Variants in HMGB1 observed in about 807,000 individuals in gnomAD.
HMGB1 encodes the protein high mobility group protein B1.
For missense variants in HMGB1, 79 were observed against 253.5 expected (o/e 0.31, Z 4.67); for synonymous variants, 81 against 84.0 (o/e 0.96, Z 0.19).
intron 1 of HMGB1, among the ~76,000 whole-genome samples, chr13:30,564,260 C>G (rs966908580): frequency 2.9e-5 from 4 of 138,398 alleles, no homozygotes; most frequent in Non-Finnish European, 6.1e-5. Flanking sequence ...TGGCAAAAAC[C>G]CGGCTCTACT....
intron 1 of HMGB1, among the ~76,000 whole-genome samples, chr13:30,486,002 C>T (rs1209583621): frequency 6.6e-6 from 1 of 152,172 alleles, no homozygotes; most frequent in Non-Finnish European, 1.5e-5. Context: ...GATTTCTATT[C>T]ATGCTTTTTC....
intron 1 of HMGB1, among the ~76,000 whole-genome samples, chr13:30,504,922 G>A (rs540246640): frequency 6.6e-6 from 1 of 152,036 alleles, no homozygotes; most frequent in African/African-American, 2.4e-5. Flanking sequence ...CAAAAATGAA[G>A]TATTAGTGTC....
chr13:30,500,536 A>ATTTTTT (rs60691018), intron 1 of HMGB1, among the ~76,000 whole-genome samples: 1 of 128,460 alleles, frequency 7.8e-6, no homozygotes, highest in African/African-American at 3.3e-5. Context: ...CACCTGGCTA[A>ATTTTTT]TTTTTTTTTT....
upstream of HMGB1, among the ~76,000 whole-genome samples, chr13:30,466,335 TTGAGA>T (rs1339479049): frequency 6.9e-5 from 10 of 144,004 alleles, no homozygotes; most frequent in East Asian, 1.8e-3. Context: ...CCCAAAGCCG[TTGAGA>T]TAAGAGGCCC....
chr13:30,542,363 C>T (rs747748666), intron 1 of HMGB1: 8 of 161,824 alleles, frequency 4.9e-5, no homozygotes, highest in Admixed American at 1.3e-4. Context: ...CTCCCCAGGG[C>T]GCCCCTCCTC....
intron 1 of HMGB1, among the ~76,000 whole-genome samples, chr13:30,487,337 T>C (rs1272780238): frequency 1.3e-5 from 2 of 152,330 alleles, no homozygotes; most frequent in East Asian, 1.9e-4. Context: ...AGGAGCGCCA[T>C]GAAATACTTG....
At chr13:30,465,416 G>A (rs1344044378) in intron 1 of HMGB1, among the ~76,000 whole-genome samples, 6 of 141,616 alleles carry the variant, frequency 4.2e-5, no homozygotes, top group Non-Finnish European at 9.4e-5. Context: ...CGCCGGCCCC[G>A]CCGCCCCGGC....
chr13:30,482,744 TA>T lies in HMGB1; in HGVS notation c.-14-19051del, dbSNP rs1228365479. Among the ~76,000 whole-genome samples, 6 of 151,370 alleles carry T rather than the reference TA, an allele frequency of 4.0e-5. No homozygotes were observed. In the East Asian group the frequency reaches 7.8e-4, roughly 20 times the overall value. On this transcript the variant is annotated intron_variant, in intron 1 of 4. Coordinates refer to the HMGB1 transcript ENST00000405805. ...CGACTTCAAGGGTCTTTGCGGGAAA[TA>T]AAAAAAATAAAATAAAAAGTGAGGT... is the stretch of plus-strand genomic sequence containing the variant.
intron 1 of HMGB1, among the ~76,000 whole-genome samples, chr13:30,614,484 C>T (rs552587217): frequency 6.6e-6 from 1 of 152,208 alleles, no homozygotes; most frequent in African/African-American, 2.4e-5. Flanking sequence ...TAAGGTCACA[C>T]AGCAGAAGAG....
intron 1 of HMGB1, among the ~76,000 whole-genome samples, chr13:30,611,424 A>G (rs1394320366): frequency 6.6e-6 from 1 of 152,206 alleles, no homozygotes; most frequent in Non-Finnish European, 1.5e-5. Context: ...GGCCTTCCAA[A>G]GTGCTGGGAT....
intron 1 of HMGB1, chr13:30,553,670 C>T: frequency 1.3e-6 from 1 of 771,522 alleles, no homozygotes; most frequent in Non-Finnish European, 2.3e-6. Flanking sequence ...TTGTCCCAGC[C>T]ATGCCCACCA....
At position 30,481,932 on chromosome 13, in the gene HMGB1, C is replaced by T. The variant is rs372989117; in HGVS notation, c.-14-18238G>A. Among the ~76,000 whole-genome samples the T allele has an allele frequency of 2.6e-5, 4 of 152,080 alleles. No homozygotes were observed. The East Asian group carries it at 7.7e-4, about 29-fold the overall frequency. ...ACAACCTCCGCCTCCCAGGTTCAAG[C>T]GATTCTCCTGCCTCAGCCTCCTGAG... On this transcript the variant is annotated intron_variant, in intron 1 of 4. Coordinates refer to the HMGB1 transcript ENST00000405805.
chr13:30,595,397 G>A (rs148339346), intron 1 of HMGB1, among the ~76,000 whole-genome samples: 50 of 152,250 alleles, frequency 3.3e-4, no homozygotes, highest in African/African-American at 1.1e-3. Context: ...AGGCTGTAAC[G>A]ACTTCTGTAA....
rs569044675 is a variant in HMGB1, at chr13:30,557,766, T to C, written c.-15+58905A>G. 2.6e-5 allele frequency among the ~76,000 whole-genome samples: 4 copies of C among 152,346 alleles called. No homozygotes were observed. The South Asian group carries it at 8.3e-4, about 32-fold the overall frequency. ...TTGGTCCAACCTTGCCTCTTTTTAG[T>C]CTTTGACTGAATAGCTCTAGTTCTC... On this transcript the variant is annotated intron_variant, in intron 1 of 4. Transcript: ENST00000405805.
intron 1 of HMGB1, among the ~76,000 whole-genome samples, chr13:30,480,690 G>A (rs926927024): frequency 1.3e-5 from 2 of 152,052 alleles, no homozygotes; most frequent in Non-Finnish European, 2.9e-5. Flanking sequence ...TCGCTCTCAC[G>A]CAGTGCTATG....
intron 4 of HMGB1, among the ~76,000 whole-genome samples, chr13:30,462,065 G>C (rs915400633): frequency 6.6e-6 from 1 of 152,186 alleles, no homozygotes; most frequent in South Asian, 2.1e-4. Flanking sequence ...AAGAGTTATA[G>C]ATTTCCTTAA....
chr13:30,498,742 T>C (rs1887669487), intron 1 of HMGB1, among the ~76,000 whole-genome samples: 1 of 151,086 alleles, frequency 6.6e-6, no homozygotes, highest in South Asian at 2.1e-4. Flanking sequence ...CCACCTCCTG[T>C]GTTCAAGAGA....
At chr13:30,485,362 G>A (rs1285597635) in intron 1 of HMGB1, among the ~76,000 whole-genome samples, 1 of 152,128 alleles carries the variant, frequency 6.6e-6, no homozygotes, top group Non-Finnish European at 1.5e-5. Flanking sequence ...TTTAAGATGA[G>A]AGACCCTAAC....
upstream of HMGB1, chr13:30,466,016 T>G: frequency 2.1e-6 from 2 of 940,492 alleles, no homozygotes; most frequent in Non-Finnish European, 2.5e-6. Context: ...CCCATTGTCC[T>G]GACCAGAGCC....
Sources: gnomAD v4.1 joint callset for allele counts (sites outside exome capture counted in the v4.1 genomes callset) on GRCh38, gnomAD v4.1.1 for gene constraint, MANE v1.5 for transcripts, NCBI Gene and HGNC (gene_info 2026-07-23, HGNC 2026-07-21) for gene names.